The following CIST1 variants were observed in gnomAD, a reference collection of about 807,000 sequenced individuals.
CIST1 encodes the protein colon, intestine and stomach enriched 1, also known as uncharacterized LOC729966.
At chr19:18,255,265 C>T in the CIST1 span, 32 of 399,382 alleles carry the variant, frequency 8.0e-5, no homozygotes, top group Middle Eastern at 1.9e-3. This position sits in a 1 kb window ranked among gnomAD's most constrained non-coding sequence, Gnocchi z 4.6. Flanking sequence ...AGCAGCACCA[C>T]CAGCACCAAA....
chr19:18,252,449 A>C, the CIST1 span: 1 of 398,938 alleles, frequency 2.5e-6, no homozygotes, highest in Non-Finnish European at 4.4e-6. Context: ...ATGTCTCCAT[A>C]CTGTTCTCTG....
chr19:18,252,614 CTCT>C, the CIST1 span: 143 of 379,104 alleles, frequency 3.8e-4, 1 homozygote, highest in Middle Eastern at 6.6e-4. Context: ...CTTTCTCTCT[CTCT>C]TTTTTTTTTT....
the CIST1 span, chr19:18,251,982 C>T: frequency 7.5e-6 from 3 of 398,052 alleles, no homozygotes; most frequent in Admixed American, 8.8e-5. Context: ...GGGGCTGTAC[C>T]TCCCCCTGGT....
At chr19:18,251,028 G>A in the CIST1 span, among the ~76,000 whole-genome samples, 5 of 151,964 alleles carry the variant, frequency 3.3e-5, no homozygotes, top group Admixed American at 2.0e-4. Flanking sequence ...CACCCGCCTC[G>A]GCCTCCCAAA....
the CIST1 span, among the ~76,000 whole-genome samples, chr19:18,251,750 G>A: frequency 8.4e-6 from 1 of 119,380 alleles, no homozygotes; most frequent in Non-Finnish European, 1.8e-5. Context: ...ACCGCGCCCC[G>A]CCATTTTTAG....
the CIST1 span, chr19:18,255,409 G>A: frequency 8.6e-5 from 34 of 397,290 alleles, no homozygotes; most frequent in East Asian, 7.8e-4. This position sits in a 1 kb window ranked among gnomAD's most constrained non-coding sequence, Gnocchi z 4.6. Context: ...CCCTGCTGGC[G>A]GAGCGCGGGG....
At chr19:18,250,499 C>A in the CIST1 span, 1 of 398,962 alleles carries the variant, frequency 2.5e-6, no homozygotes, top group East Asian at 3.6e-5. Context: ...AGAGTCAGCA[C>A]TGGGTCCTAT....
chr19:18,251,275 G>A, the CIST1 span, among the ~76,000 whole-genome samples: 35 of 150,188 alleles, frequency 2.3e-4, no homozygotes, highest in African/African-American at 7.6e-4. Context: ...ACAGGCGCCC[G>A]CCACCATGCC....
chr19:18,250,293 C>G, the CIST1 span: 9 of 399,000 alleles, frequency 2.3e-5, no homozygotes, highest in Non-Finnish European at 4.0e-5. Flanking sequence ...GCTGAGCCCC[C>G]AGCCCAGCCC....
chr19:18,251,497 C>T, the CIST1 span, among the ~76,000 whole-genome samples: 826 of 152,004 alleles, frequency 5.4e-3, 12 homozygotes, highest in African/African-American at 0.019. Flanking sequence ...TGCAGTGGCA[C>T]GATCTCAGCT....
At chr19:18,252,838 C>T in the CIST1 span, among the ~76,000 whole-genome samples, 2 of 152,190 alleles carry the variant, frequency 1.3e-5, no homozygotes, top group Non-Finnish European at 2.9e-5. Flanking sequence ...AACTTCTGAC[C>T]TCAGATGATC....
At chr19:18,254,000 C>A in the CIST1 span, among the ~76,000 whole-genome samples, 1 of 152,364 alleles carries the variant, frequency 6.6e-6, no homozygotes, top group Non-Finnish European at 1.5e-5. Flanking sequence ...GGAAATAACA[C>A]ACAACACTGG....
At chr19:18,254,136 G>A in the CIST1 span, among the ~76,000 whole-genome samples, 1 of 152,182 alleles carries the variant, frequency 6.6e-6, no homozygotes, top group Non-Finnish European at 1.5e-5. Context: ...ATCCCCATTT[G>A]ACAGATGAGA....
the CIST1 span, among the ~76,000 whole-genome samples, chr19:18,252,810 C>A: frequency 4.6e-5 from 7 of 152,156 alleles, no homozygotes; most frequent in Non-Finnish European, 1.0e-4. Flanking sequence ...TTTCACTGTG[C>A]TGGCCAGATT....
chr19:18,255,215 C>T, the CIST1 span: 1 of 398,852 alleles, frequency 2.5e-6, no homozygotes, highest in Non-Finnish European at 4.4e-6. The surrounding 1 kb of genome is among the most constrained non-coding windows in gnomAD (Gnocchi z 4.6). Flanking sequence ...TTTACCAGCT[C>T]TTACCTGTAA....
At chr19:18,252,122 G>A in the CIST1 span, 1 of 399,364 alleles carries the variant, frequency 2.5e-6, no homozygotes, top group Non-Finnish European at 4.4e-6. Flanking sequence ...TTCCGGGGCT[G>A]TGGGAAGTGG....
the CIST1 span, chr19:18,255,234 T>C: frequency 2.0e-5 from 8 of 398,562 alleles, no homozygotes; most frequent in East Asian, 2.9e-4. This position sits in a 1 kb window ranked among gnomAD's most constrained non-coding sequence, Gnocchi z 4.6. Flanking sequence ...AAAGGGAGTA[T>C]TGTAATTCAC....
chr19:18,255,266 C>T, the CIST1 span: 3 of 399,248 alleles, frequency 7.5e-6, no homozygotes, highest in African/African-American at 6.2e-5. The surrounding 1 kb of genome is among the most constrained non-coding windows in gnomAD (Gnocchi z 4.6). Context: ...GCAGCACCAC[C>T]AGCACCAAAA....
At chr19:18,250,964 TG>T in the CIST1 span, among the ~76,000 whole-genome samples, 1 of 152,012 alleles carries the variant, frequency 6.6e-6, no homozygotes, top group Admixed American at 6.6e-5. Flanking sequence ...TTAGTAGAGA[TG>T]GGGTTTCACC....
Sources: allele counts gnomAD v4.1 joint callset (sites outside exome capture counted in the v4.1 genomes callset), GRCh38; gene constraint gnomAD v4.1.1; non-coding constraint Gnocchi (gnomAD v3.1); transcripts MANE v1.5; gene names NCBI Gene and HGNC (gene_info 2026-07-23, HGNC 2026-07-21).